Variants in CLCN4 observed in about 807,000 individuals in gnomAD.
CLCN4 encodes the protein H(+)/Cl(-) exchange transporter 4.
Under a neutral mutation model 41.7 loss-of-function variants are expected in CLCN4, and 1 was observed. The ratio of observed to expected loss-of-function variants is 0.02; its 90% CI spans 0.01 to 0.11. The LOEUF is 0.11. Among genes scored for constraint, CLCN4 ranks in the 10% least tolerant of loss-of-function variants. The pLI is 1.00. For synonymous variants in CLCN4, 277 were observed against 285.8 expected, an observed-to-expected ratio of 0.97 and a Z score of 0.31; for missense variants, 287 against 661.0, an observed-to-expected ratio of 0.43 and a Z score of 6.20.
intron 11 of CLCN4, among the ~76,000 whole-genome samples, chrX:10,218,206 A>T (rs1268437833): frequency 8.9e-6 from 1 of 112,448 alleles, no homozygotes; most frequent in Non-Finnish European, 1.9e-5. Flanking sequence ...AGTAATACAC[A>T]CTCCAAATAT....
chrX:10,225,981 A>G (rs1336527767), intron 12 of CLCN4, among the ~76,000 whole-genome samples: 1 of 111,471 alleles, frequency 9.0e-6, no homozygotes, highest in Non-Finnish European at 1.9e-5. Context: ...TACTGTGGCC[A>G]TGTAGTATAG....
chrX:10,166,946 G>A (rs1923265019), intron 2 of CLCN4, among the ~76,000 whole-genome samples: 1 of 111,909 alleles, frequency 8.9e-6, no homozygotes, highest in Admixed American at 9.4e-5. Context: ...ATGGCTGCAT[G>A]GCCCTGGGTC....
At chrX:10,173,802 G>T (rs1039164707) in intron 2 of CLCN4, among the ~76,000 whole-genome samples, 1 of 111,972 alleles carries the variant, frequency 8.9e-6, no homozygotes, top group Admixed American at 9.4e-5. Flanking sequence ...TCTAGGTGAC[G>T]TAAGCTGGGA....
At chrX:10,193,729 A>C (rs1345523542) in intron 4 of CLCN4, among the ~76,000 whole-genome samples, 1 of 112,151 alleles carries the variant, frequency 8.9e-6, no homozygotes, top group East Asian at 2.8e-4. Context: ...GCAGCCACAG[A>C]GTGCATGTAA....
At chrX:10,211,111 C>CA (rs1412201367) in intron 9 of CLCN4, among the ~76,000 whole-genome samples, 1 of 105,958 alleles carries the variant, frequency 9.4e-6, no homozygotes, top group Non-Finnish European at 1.9e-5. Flanking sequence ...TCTAAAAATA[C>CA]AAAAATTAGC....
At chrX:10,229,458 A>G (rs1181740281) in intron 12 of CLCN4, among the ~76,000 whole-genome samples, 2 of 109,375 alleles carry the variant, frequency 1.8e-5, no homozygotes, top group Non-Finnish European at 3.8e-5. Context: ...GGTTTGTTAC[A>G]TATGTATACA....
intron 2 of CLCN4, among the ~76,000 whole-genome samples, chrX:10,178,168 G>A (rs1037489803): frequency 4.8e-5 from 5 of 103,898 alleles, no homozygotes; most frequent in African/African-American, 1.8e-4. Context: ...ATGGGTAGGG[G>A]GTCATTTTTA....
At chrX:10,167,957 C>T (rs2098650080) in intron 2 of CLCN4, among the ~76,000 whole-genome samples, 1 of 112,601 alleles carries the variant, frequency 8.9e-6, no homozygotes, top group African/African-American at 3.2e-5. Flanking sequence ...CTGGCCATAG[C>T]TGCCTTCGTT....
chrX:10,177,084 C>T (rs1266988511), intron 2 of CLCN4, among the ~76,000 whole-genome samples: 2 of 112,581 alleles, frequency 1.8e-5, no homozygotes, highest in Non-Finnish European at 3.8e-5. Flanking sequence ...AGCTTATGAG[C>T]TAAGAATGGT....
chrX:10,165,363 A>T (rs1923221341), intron 2 of CLCN4, among the ~76,000 whole-genome samples: 1 of 112,558 alleles, frequency 8.9e-6, no homozygotes, highest in Non-Finnish European at 1.9e-5. Flanking sequence ...CAGGCCCTTG[A>T]CCTGCCCTGG....
At chrX:10,226,157 C>A (rs1924984374) in intron 12 of CLCN4, among the ~76,000 whole-genome samples, 1 of 111,667 alleles carries the variant, frequency 9.0e-6, no homozygotes, top group Non-Finnish European at 1.9e-5. Context: ...CACTCCTCAG[C>A]AAATGCAAAA....
chrX:10,219,823 G>T (rs954386145), intron 11 of CLCN4, among the ~76,000 whole-genome samples: 1 of 112,288 alleles, frequency 8.9e-6, no homozygotes, highest in Non-Finnish European at 1.9e-5. Context: ...TCCAACAGAA[G>T]GAAAATCGCC....
At chrX:10,162,670 T>C (rs1029453599) in intron 2 of CLCN4, among the ~76,000 whole-genome samples, 1 of 112,501 alleles carries the variant, frequency 8.9e-6, no homozygotes, top group African/African-American at 3.2e-5. Context: ...TGTTTCAATA[T>C]CGCATGTCAT....
chrX:10,157,146 T>A (rs1435487461), intron 1 of CLCN4, 46 bp downstream of exon 1: 2 of 293,642 alleles, frequency 6.8e-6, no homozygotes, highest in Non-Finnish European at 1.2e-5. Flanking sequence ...AGGAGTGACC[T>A]AGTAAAGTAC....
intron 5 of CLCN4, among the ~76,000 whole-genome samples, chrX:10,196,408 G>A (rs983476778): frequency 2.5e-4 from 28 of 111,700 alleles, no homozygotes; most frequent in African/African-American, 9.1e-4. Context: ...AGTTATTAAA[G>A]GATCAGAAAG....
intron 9 of CLCN4, among the ~76,000 whole-genome samples, chrX:10,209,808 C>G (rs1483355627): frequency 9.1e-6 from 1 of 109,590 alleles, no homozygotes; most frequent in African/African-American, 3.3e-5. Flanking sequence ...TTTTATGGAA[C>G]CTGGGATTTT....
intron 3 of CLCN4, among the ~76,000 whole-genome samples, chrX:10,185,915 C>T (rs1404342933): frequency 9.0e-6 from 1 of 111,346 alleles, no homozygotes; most frequent in Non-Finnish European, 1.9e-5. Context: ...AATAAAGATG[C>T]GCTGCAAAGG....
rs146966529 is a variant in CLCN4 at position 10,173,325 on chromosome X, A to G, written c.-11-11697A>G. Among the ~76,000 whole-genome samples the G allele has an allele frequency of 3.5e-3, 391 of 111,324 alleles. 2 individuals are homozygous for G. Among genetic ancestry groups the G allele is most frequent in the African/African-American group, 0.012 (361 of 30,651 alleles). ...CTCATCCAAGTCGGAGTCAGATCTC[A>G]CCCGAGGCCGCACATTGGCAGCACC... On this transcript the variant is annotated intron_variant, in intron 2 of 12. Coordinates refer to ENST00000380833, the MANE Select transcript of CLCN4 (RefSeq NM_001830.4).
At chrX:10,184,691 A>G (rs770486823) in intron 2 of CLCN4, among the ~76,000 whole-genome samples, 1 of 111,877 alleles carries the variant, frequency 8.9e-6, no homozygotes, top group Non-Finnish European at 1.9e-5. Context: ...TAACTCAACA[A>G]TATCTATTAG....
Sources: allele counts gnomAD v4.1 joint callset (sites outside exome capture counted in the v4.1 genomes callset), GRCh38; gene constraint gnomAD v4.1.1; transcripts MANE v1.5; gene names NCBI Gene and HGNC (gene_info 2026-07-23, HGNC 2026-07-21).